The following GBE1 variants were observed in gnomAD, a reference collection of about 807,000 sequenced individuals.
The protein encoded by GBE1 is 1,4-alpha-glucan branching enzyme 1.
In GBE1, 70 loss-of-function variants were observed where a neutral mutation model predicts 88.8. The observed-to-expected ratio is 0.79, with a 90% CI of 0.65 to 0.96. The LOEUF (loss-of-function observed/expected upper bound fraction) is 0.96. Among genes scored for constraint, GBE1 ranks in the 40% least tolerant of loss-of-function variants. The pLI is 0.00. For synonymous variants in GBE1, 284 were observed against 300.1 expected, an observed-to-expected ratio of 0.95 and a Z score of 0.56; for missense variants, 872 against 871.0, an observed-to-expected ratio of 1.00 and a Z score of -0.01.
intron 3 of GBE1, among the ~76,000 whole-genome samples, chr3:81,661,637 T>A (rs1705033459): frequency 6.6e-6 from 1 of 152,190 alleles, no homozygotes; most frequent in African/African-American, 2.4e-5. Flanking sequence ...AAAGATGCCT[T>A]AGACTGATTT....
intron 12 of GBE1, among the ~76,000 whole-genome samples, chr3:81,538,039 C>T (rs1202981860): frequency 6.6e-6 from 1 of 151,638 alleles, no homozygotes; most frequent in African/African-American, 2.4e-5. Flanking sequence ...CTTTTCTTTC[C>T]CTAAAAATTA....
intron 7 of GBE1, among the ~76,000 whole-genome samples, chr3:81,597,503 A>ATC (rs200909494): frequency 6.8e-4 from 99 of 146,292 alleles, no homozygotes; most frequent in African/African-American, 2.5e-3. Flanking sequence ...ATATATATAT[A>ATC]TATCTCATTG....
chr3:81,587,456 C>T (rs1311675903), intron 9 of GBE1, among the ~76,000 whole-genome samples: 1 of 152,086 alleles, frequency 6.6e-6, no homozygotes, highest in Non-Finnish European at 1.5e-5. Context: ...TAACTGCTGC[C>T]AAATTCATAT....
chr3:81,617,991 G>A (rs960751068), intron 7 of GBE1, among the ~76,000 whole-genome samples: 3 of 152,000 alleles, frequency 2.0e-5, no homozygotes, highest in African/African-American at 7.2e-5. Context: ...CCAAATGTAT[G>A]TATGTAGAGT....
At chr3:81,554,079 G>A (rs1228189676) in intron 12 of GBE1, among the ~76,000 whole-genome samples, 1 of 152,160 alleles carries the variant, frequency 6.6e-6, no homozygotes, top group Admixed American at 6.5e-5. Context: ...CATAGCAACA[G>A]TAATGGGCTT....
intron 14 of GBE1, among the ~76,000 whole-genome samples, chr3:81,529,608 C>T (rs1035118762): frequency 7.9e-5 from 12 of 152,006 alleles, no homozygotes; most frequent in Non-Finnish European, 2.9e-5. Flanking sequence ...GTTTTGTTTT[C>T]CTTCAGCACT....
intron 7 of GBE1, among the ~76,000 whole-genome samples, chr3:81,618,154 A>G (rs1485682727): frequency 6.6e-6 from 1 of 152,018 alleles, no homozygotes; most frequent in Non-Finnish European, 1.5e-5. Context: ...CCATTCTAGG[A>G]TAAGTCTGCT....
intron 1 of GBE1, among the ~76,000 whole-genome samples, chr3:81,737,314 T>A (rs867764256): frequency 8.7e-6 from 1 of 115,424 alleles, no homozygotes; most frequent in South Asian, 2.4e-4. Context: ...TATATATTTA[T>A]ATATATTTAT....
chr3:81,663,791 G>A (rs532517382), intron 3 of GBE1, among the ~76,000 whole-genome samples: 2 of 152,174 alleles, frequency 1.3e-5, no homozygotes, highest in South Asian at 2.1e-4. Context: ...CAGCCTGCCC[G>A]TCTGTGAGTT....
chr3:81,591,745 CA>C (rs1235141566), intron 8 of GBE1, among the ~76,000 whole-genome samples: 2 of 152,054 alleles, frequency 1.3e-5, no homozygotes, highest in African/African-American at 2.4e-5. Context: ...TGGGTTATAC[CA>C]TTTACTTTCT....
chr3:81,613,010 G>C (rs1559662903), intron 7 of GBE1: 3 of 546,688 alleles, frequency 5.5e-6, no homozygotes, highest in East Asian at 6.3e-5. Flanking sequence ...TAGGGGATAA[G>C]GATGAAGGTG....
At chr3:81,522,503 T>C (rs890683863) in intron 14 of GBE1, among the ~76,000 whole-genome samples, 4 of 151,388 alleles carry the variant, frequency 2.6e-5, no homozygotes, top group African/African-American at 9.7e-5. Flanking sequence ...GAAGGTGCGT[T>C]GTAAATTATG....
rs139265179 is a variant in GBE1 at position 81,571,485 on chromosome 3, T to C, written c.1618+6440A>G. On this transcript the variant is annotated intron_variant, in intron 12 of 15. Coordinates refer to ENST00000429644, the MANE Select transcript of GBE1 (RefSeq NM_000158.4). The stretch of plus-strand genomic sequence containing the variant: ...GGTTTTCTTGATTTAAGTCTGCTAG[T>C]TCAGTATTTTTTTAAATGAGAAATG... Among the ~76,000 whole-genome samples the C allele has an allele frequency of 4.2e-3, 635 of 152,282 alleles. 3 individuals are homozygous for C. The highest frequency in any genetic ancestry group is 0.013 in the African/African-American group (552 of 41,550).
At chr3:81,656,162 C>T (rs1036360871) in intron 3 of GBE1, among the ~76,000 whole-genome samples, 17 of 152,098 alleles carry the variant, frequency 1.1e-4, no homozygotes, top group African/African-American at 3.4e-4. Context: ...CCACACCCTA[C>T]GCCAAGAATC....
At chr3:81,717,003 T>TC (rs1263709279) in intron 1 of GBE1, among the ~76,000 whole-genome samples, 5 of 152,162 alleles carry the variant, frequency 3.3e-5, no homozygotes, top group Admixed American at 6.5e-5. Flanking sequence ...TCAAGTATTG[T>TC]CCCAAGCACT....
In GBE1 at chr3:81,556,913, A is replaced by G. The variant is rs867761308; in HGVS notation, c.1619-19818T>C. Among the ~76,000 whole-genome samples the G allele has an allele frequency of 2.0e-5, 3 of 151,936 alleles. No homozygotes were observed. The East Asian group carries it at 5.8e-4, about 29-fold the overall frequency. On this transcript the variant is annotated intron_variant, in intron 12 of 15. Coordinates refer to ENST00000429644, the MANE Select transcript of GBE1 (RefSeq NM_000158.4). ...TAAAATTTGTAATATGTCACTTACA[A>G]TGTGTAACCTCCTGCTGTGTAACTT...
intron 2 of GBE1, among the ~76,000 whole-genome samples, chr3:81,680,311 G>A (rs557265791): frequency 1.1e-4 from 16 of 152,116 alleles, no homozygotes; most frequent in Admixed American, 1.0e-3. Flanking sequence ...GGCTAACATG[G>A]TGAAACACCG....
intron 12 of GBE1, among the ~76,000 whole-genome samples, chr3:81,543,326 A>G (rs1703166146): frequency 6.6e-6 from 1 of 152,146 alleles, no homozygotes; most frequent in African/African-American, 2.4e-5. Context: ...AACATTCTAC[A>G]GGGTGGCTCT....
intron 3 of GBE1, among the ~76,000 whole-genome samples, chr3:81,657,811 CAAAT>C (rs1704963524): frequency 6.6e-6 from 1 of 151,978 alleles, no homozygotes. Flanking sequence ...TTCAATTAAT[CAAAT>C]AAACTTATAT....
Sources: gnomAD v4.1 joint callset for allele counts (sites outside exome capture counted in the v4.1 genomes callset) on GRCh38, gnomAD v4.1.1 for gene constraint, MANE v1.5 for transcripts, NCBI Gene and HGNC (gene_info 2026-07-23, HGNC 2026-07-21) for gene names.